The following PITPNM2 variants were observed in gnomAD, a reference collection of about 807,000 sequenced individuals.
The protein encoded by PITPNM2 is membrane-associated phosphatidylinositol transfer protein 2.
PITPNM2 carries 35 observed loss-of-function variants against 132.2 expected under a neutral mutation model. The ratio of observed to expected loss-of-function variants is 0.26; its 90% CI spans 0.20 to 0.35. The LOEUF is 0.35. Among genes scored for constraint, PITPNM2 ranks in the 10% least tolerant of loss-of-function variants. The pLI is 1.00. For missense variants in PITPNM2, 1,332 were observed against 1,912.0 expected (o/e 0.70, Z 5.66); for synonymous variants, 738 against 799.2 (o/e 0.92, Z 1.29).
rs1418217921 is a variant in PITPNM2 at position 123,097,954 on chromosome 12, C to T, written c.-96+12431G>A. Among the ~76,000 whole-genome samples the T allele has an allele frequency of 2.0e-5, 3 of 152,108 alleles. No homozygotes were observed. The highest frequency in any genetic ancestry group is 2.1e-4 in the South Asian group (1 of 4,818). Reference sequence around the variant, plus strand: ...CTCTGTAGTGATGCAGGGGACATGTCGAAAATGATACATCACAGCCGCCAG... The same window carrying T: ...CTCTGTAGTGATGCAGGGGACATGTTGAAAATGATACATCACAGCCGCCAG... On this transcript the variant is annotated intron_variant, in intron 2 of 25. Coordinates refer to ENST00000320201, the MANE Select transcript of PITPNM2 (RefSeq NM_020845.3). The surrounding 1 kb of genome is among the most constrained non-coding windows in gnomAD (Gnocchi z 4.7).
At chr12:123,122,607 T>C (rs2043054235) in intron 1 of PITPNM2, among the ~76,000 whole-genome samples, 1 of 152,200 alleles carries the variant, frequency 6.6e-6, no homozygotes, top group Non-Finnish European at 1.5e-5. Flanking sequence ...GTTTCTCAGA[T>C]ACTCGGTGGT....
At chr12:123,070,246 G>T (rs1319418100) in intron 2 of PITPNM2, among the ~76,000 whole-genome samples, 1 of 152,190 alleles carries the variant, frequency 6.6e-6, no homozygotes, top group African/African-American at 2.4e-5. Context: ...GGCCCTGAAA[G>T]CTATCAGACT....
At chr12:123,092,518 G>A (rs541288113) in intron 2 of PITPNM2, 3 of 152,384 alleles carry the variant, frequency 2.0e-5, no homozygotes, top group African/African-American at 7.2e-5. Flanking sequence ...CTCATCCCAG[G>A]TCTGTCATCA....
At chr12:123,016,784 G>A (rs928763569) in intron 3 of PITPNM2, among the ~76,000 whole-genome samples, 2 of 152,026 alleles carry the variant, frequency 1.3e-5, no homozygotes, top group Non-Finnish European at 2.9e-5. Context: ...GGTGGCTCAC[G>A]CCTGTAAGCC....
Position 123,001,057 on chromosome 12 carries a change from G to T in PITPNM2, c.1150C>A (p.Gln384Lys). ...CAGCACCCCCAGACCTGCTGACCTT[G>T]TGTGTCTTCCGGCTCTGGGCTCTCG... ...KIESPEPEDT[Q>K]DGLYRQGAPE... is the part of the protein sequence containing the mutation. Residue 384 changes from glutamine to lysine, a missense_variant, in exon 9 of 26, where the codon CAA becomes AAA. Gln to Lys is a moderately conservative substitution (Grantham distance 53). Transcript: ENST00000320201. The T allele has an allele frequency of 6.2e-7, 1 of 1,613,824 alleles. No individual in the cohort carries two copies. Among genetic ancestry groups the T allele is most frequent in the Non-Finnish European group, 8.5e-7 (1 of 1,179,688 alleles).
chr12:123,010,058 T>A lies in PITPNM2; in HGVS notation c.435A>T (p.Lys145Asn). 1 of 1,614,010 alleles carries A rather than the reference T, an allele frequency of 6.2e-7. No individual in the cohort carries two copies. Among genetic ancestry groups the A allele is most frequent in the Non-Finnish European group, 8.5e-7 (1 of 1,179,904 alleles). ...TATACTCGTTGTGGGGCACAGGGTC[T>A]TTGACAATGTCGATGAAGTCTGTGG... ...QLTIDFIDIV[K>N]DPVPHNEYKT... is the part of the protein sequence containing the mutation. Residue 145 changes from lysine (K) to asparagine (N), a missense_variant, in exon 6 of 26, where the codon AAA (lysine) becomes AAT (asparagine). Lys to Asn is a moderately conservative substitution (Grantham distance 94). Around this residue, in one of 6 missense-constraint regions of PITPNM2, gnomAD observed 122 missense variants for 209.6 expected, o/e 0.58. Transcript: ENST00000320201.
At position 123,018,038 on chromosome 12, in the gene PITPNM2, C is replaced by T. The variant is rs12370206; in HGVS notation, c.79-3996G>A. 9.1e-3 allele frequency among the ~76,000 whole-genome samples: 605 copies of T among 66,146 alleles called. 2 individuals carry two copies. Among genetic ancestry groups the T allele is most frequent in the South Asian group, 0.029 (41 of 1,394 alleles). The allele number at this position is 66,146 out of a possible 152,430, so 43.4% of individuals were successfully genotyped here. ...TTCCTTCCTTCCTTCCTTCCTTCCT[C>T]CCTCCCTCCCTCCCTCTTTTCTCTC... On this transcript the variant is annotated intron_variant, in intron 3 of 25. Coordinates refer to ENST00000320201, the MANE Select transcript of PITPNM2 (RefSeq NM_020845.3).
Position 122,987,305 on chromosome 12 carries a change from C to G in PITPNM2, c.3389G>C (p.Arg1130Pro). The change falls in exon 23 of 26, where the codon CGG (arginine) becomes CCG (proline). Residue 1130 changes from arginine to proline, a missense_variant. Arg to Pro is a moderately radical substitution (Grantham distance 103). Around this residue, in one of 6 missense-constraint regions of PITPNM2, gnomAD observed 251 missense variants for 472.0 expected, o/e 0.53. Transcript: ENST00000320201. ...CCGCACCACGTCCACGGCCCCGGCC[C>G]GCACCTTGGGGTCGCTGCCCATGAT... ...VSIMGSDPKV[R>P]AGAVDVVRHW... 1 of 1,611,854 alleles carries G rather than the reference C, an allele frequency of 6.2e-7. No individual in the cohort carries two copies. The highest frequency in any genetic ancestry group is 8.5e-7 in the Non-Finnish European group (1 of 1,180,014).
At position 122,998,940 on chromosome 12, in the gene PITPNM2, G is replaced by A. The variant is rs570893608; in HGVS notation, c.1225-1368C>T. Among the ~76,000 whole-genome samples the A allele has an allele frequency of 3.2e-4, 48 of 152,126 alleles. 2 individuals carry two copies. In the South Asian group the frequency reaches 8.7e-3, roughly 28 times the overall value. On this transcript the variant is annotated intron_variant, in intron 10 of 25. Coordinates refer to ENST00000320201, the MANE Select transcript of PITPNM2 (RefSeq NM_020845.3). ...CCAGCCTGGCCAACATAGCAAAACC[G>A]TCTCTACCAAAAATACAAAAATTAG... is the stretch of plus-strand genomic sequence containing the variant.
rs60442043 is a variant in PITPNM2 at position 123,002,905 on chromosome 12, A to G, written c.1048+1489T>C. On this transcript the variant is annotated intron_variant, in intron 8 of 25. Transcript: ENST00000320201. ...CTATATATTACTGTGGTTTAAAAAA[A>G]TTTTTTTATTTTTGGTATTGACAGG... Among the ~76,000 whole-genome samples, 1,008 of 152,074 alleles carry G rather than the reference A, an allele frequency of 6.6e-3. 15 individuals carry two copies. The highest frequency in any genetic ancestry group is 0.023 in the African/African-American group (951 of 41,452).
In PITPNM2 at chr12:123,096,189, G is replaced by A. The variant is rs1052502942; in HGVS notation, c.-96+14196C>T. On this transcript the variant is annotated intron_variant, in intron 2 of 25. Transcript: ENST00000320201. ...ACCCCTCCTTTGAGGGACTAGCCCCGCTCCCATGTGATGGCAGCTCAATCT... is the reference window on the plus strand; with the variant it reads ...ACCCCTCCTTTGAGGGACTAGCCCCACTCCCATGTGATGGCAGCTCAATCT... Among the ~76,000 whole-genome samples, 64 of 152,184 alleles carry A rather than the reference G, an allele frequency of 4.2e-4. 1 individual carries two copies. The highest frequency in any genetic ancestry group is 3.9e-4 in the East Asian group (2 of 5,186).
At chr12:123,072,239 T>C (rs1232248302) in intron 2 of PITPNM2, among the ~76,000 whole-genome samples, 1 of 152,214 alleles carries the variant, frequency 6.6e-6, no homozygotes. Context: ...CTAACTCTGC[T>C]GTGCACACCA....
chr12:123,144,366 T>C (rs1229733940), intron 1 of PITPNM2, among the ~76,000 whole-genome samples: 1 of 152,228 alleles, frequency 6.6e-6, no homozygotes, highest in Non-Finnish European at 1.5e-5. Flanking sequence ...CATTCAGACA[T>C]GAGTCACAGT....
chr12:123,033,042 T>TG (rs2040148441), intron 3 of PITPNM2, among the ~76,000 whole-genome samples: 1 of 152,048 alleles, frequency 6.6e-6, no homozygotes, highest in African/African-American at 2.4e-5. Flanking sequence ...GGGTGGAAGG[T>TG]GGGAGCCCAA....
chr12:123,068,296 T>G (rs568170380), intron 2 of PITPNM2, among the ~76,000 whole-genome samples: 5 of 151,986 alleles, frequency 3.3e-5, no homozygotes, highest in African/African-American at 1.2e-4. Context: ...TGAAACCCCG[T>G]CTCTACTAAA....
rs73411017 is a variant in PITPNM2 at position 122,991,654 on chromosome 12, C to T, written c.2404+845G>A. 5.6e-3 allele frequency: 6,801 copies of T among 1,204,410 alleles called. 225 individuals are homozygous for T. The African/African-American group carries it at 0.087, about 15-fold the overall frequency. The allele number at this position is 1,204,410 out of a possible 1,614,324, so 74.6% of individuals were successfully genotyped here. A position where few individuals can be genotyped will look rare whatever the true frequency, so the allele number is the denominator to read the frequency against. ...TCTGTTCCTCACCACCCAGGTCCCA[C>T]GAACTGTGAGTGGCCAAGGAGGGCA... On this transcript the variant is annotated intron_variant, in intron 16 of 25. Coordinates refer to ENST00000320201, the MANE Select transcript of PITPNM2 (RefSeq NM_020845.3).
In PITPNM2 at chr12:123,008,208, C is replaced by T. The variant is rs73411041; in HGVS notation, c.643+1642G>A. Among the ~76,000 whole-genome samples, 6,508 of 152,254 alleles carry T rather than the reference C, an allele frequency of 0.043. 460 individuals carry two copies. The highest frequency in any genetic ancestry group is 0.15 in the African/African-American group (6,102 of 41,502). ...GAGGGGAGAACTGACTTTCAGGGAG[C>T]TGGGGAGTCTCTGCAGCTTGGCCAG... On this transcript the variant is annotated intron_variant, in intron 6 of 25. Coordinates refer to ENST00000320201, the MANE Select transcript of PITPNM2 (RefSeq NM_020845.3). This position sits in a 1 kb window ranked among gnomAD's most constrained non-coding sequence, Gnocchi z 4.1.
intron 1 of PITPNM2, among the ~76,000 whole-genome samples, chr12:123,143,722 C>T (rs951219009): frequency 2.6e-5 from 4 of 152,178 alleles, no homozygotes; most frequent in Admixed American, 6.5e-5. Flanking sequence ...AGGGTCCCTC[C>T]TACCTGTAGA....
chr12:123,055,588 G>A (rs1296232072), intron 2 of PITPNM2, among the ~76,000 whole-genome samples: 5 of 152,230 alleles, frequency 3.3e-5, no homozygotes, highest in Admixed American at 3.3e-4. Flanking sequence ...AGGCTCCTGT[G>A]TACACACCGT....
Sources: allele counts gnomAD v4.1 joint callset (sites outside exome capture counted in the v4.1 genomes callset), GRCh38; gene constraint gnomAD v4.1.1; regional missense constraint gnomAD v4.1.1; non-coding constraint Gnocchi (gnomAD v3.1); transcripts MANE v1.5; gene names NCBI Gene and HGNC (gene_info 2026-07-23, HGNC 2026-07-21).